Variants in DCC observed in about 807,000 individuals in gnomAD.
DCC encodes netrin receptor DCC.
Under a neutral mutation model 172.5 loss-of-function variants are expected in DCC, and 58 were observed. The ratio of observed to expected loss-of-function variants is 0.34; its 90% confidence interval spans 0.27 to 0.42. The LOEUF (loss-of-function observed/expected upper bound fraction) is 0.42. Ranked by LOEUF, DCC falls within the 10% of genes least tolerant of loss-of-function variation. The pLI is 1.00. For missense variants in DCC, 1,740 were observed against 1,791.0 expected, an observed-to-expected ratio of 0.97 and a Z score of 0.51; for synonymous variants, 709 against 644.5, an observed-to-expected ratio of 1.10 and a Z score of -1.52.
intron 7 of DCC, among the ~76,000 whole-genome samples, chr18:53,115,287 CAAAAT>C (rs1362354322): frequency 2.0e-5 from 3 of 151,388 alleles, no homozygotes; most frequent in African/African-American, 4.8e-5. Context: ...GAAATACACA[CAAAAT>C]AAAAGACATT....
At chr18:53,149,273 TAAC>T (rs958820776) in intron 7 of DCC, among the ~76,000 whole-genome samples, 4 of 152,120 alleles carry the variant, frequency 2.6e-5, no homozygotes, top group African/African-American at 7.2e-5. Context: ...ATAACAATAA[TAAC>T]AGCCGTTTAT....
At chr18:53,433,881 A>G (rs940566203) in intron 21 of DCC, among the ~76,000 whole-genome samples, 2 of 152,104 alleles carry the variant, frequency 1.3e-5, no homozygotes, top group Non-Finnish European at 2.9e-5. Flanking sequence ...CTGAAGATAT[A>G]ATATAAGGTG....
chr18:52,562,811 G>C (rs530361910), intron 1 of DCC, among the ~76,000 whole-genome samples: 37 of 151,630 alleles, frequency 2.4e-4, no homozygotes, highest in African/African-American at 8.5e-4. Context: ...TTTTATTTTT[G>C]TAGGGACAGA....
intron 1 of DCC, among the ~76,000 whole-genome samples, chr18:52,448,691 A>G (rs186984): frequency 0.93 from 141,115 of 152,218 alleles, 65,471 homozygotes; most frequent in Admixed American, 0.96. Context: ...CAGTCTGGTA[A>G]CAGTAGAATT....
intron 2 of DCC, among the ~76,000 whole-genome samples, chr18:52,752,975 T>C (rs994221537): frequency 6.6e-6 from 1 of 150,542 alleles, no homozygotes; most frequent in Non-Finnish European, 1.5e-5. Context: ...TGTGTGTGTA[T>C]GTATATCATA....
intron 1 of DCC, among the ~76,000 whole-genome samples, chr18:52,535,153 T>C (rs560097487): frequency 6.6e-5 from 10 of 152,182 alleles, no homozygotes; most frequent in Non-Finnish European, 1.3e-4. Context: ...TTACAATCAA[T>C]AATCAATCAA....
At chr18:53,086,250 T>TTCCTTTC (rs2042892965) in intron 7 of DCC, among the ~76,000 whole-genome samples, 1 of 50,660 alleles carries the variant, frequency 2.0e-5, no homozygotes, top group African/African-American at 2.4e-4. Flanking sequence ...TTCTTCTTCC[T>TTCCTTTC]TTCTTCTTCT....
intron 5 of DCC, among the ~76,000 whole-genome samples, chr18:53,028,194 G>T (rs2041982341): frequency 6.6e-6 from 1 of 152,074 alleles, no homozygotes; most frequent in Non-Finnish European, 1.5e-5. Flanking sequence ...AATGGTAATT[G>T]GAAGTGCTAT....
rs528784596 is a variant in DCC, at chr18:52,904,562, C to A, written c.413-1482C>A. Among the ~76,000 whole-genome samples, 16 of 152,232 alleles carry A rather than the reference C, an allele frequency of 1.1e-4. No individual in the cohort carries two copies. In the South Asian group the frequency reaches 3.1e-3, roughly 30 times the overall value. On this transcript the variant is annotated intron_variant, in intron 2 of 28. Coordinates refer to ENST00000442544, the MANE Select transcript of DCC (RefSeq NM_005215.4). The stretch of plus-strand genomic sequence containing the variant: ...AATTAGGATCATGAAAATTAATAGA[C>A]CCAAATTAAAACTAAGGGTAATTAA...
At chr18:52,795,911 TAAATA>T (rs1458253872) in intron 2 of DCC, among the ~76,000 whole-genome samples, 2 of 151,180 alleles carry the variant, frequency 1.3e-5, no homozygotes, top group African/African-American at 2.4e-5. Context: ...TTCTTTCTAT[TAAATA>T]TTGTTCAATA....
intron 1 of DCC, among the ~76,000 whole-genome samples, chr18:52,586,831 A>T (rs2033685283): frequency 6.6e-6 from 1 of 152,176 alleles, no homozygotes; most frequent in Non-Finnish European, 1.5e-5. Flanking sequence ...GTGACTTCAA[A>T]AGGCCATTCC....
intron 3 of DCC, among the ~76,000 whole-genome samples, chr18:52,912,841 T>C (rs981346243): frequency 6.6e-6 from 1 of 152,080 alleles, no homozygotes; most frequent in African/African-American, 2.4e-5. Flanking sequence ...TCTGCCTTTA[T>C]AATCCTAGAC....
chr18:53,201,589 GT>G (rs1022979992), intron 9 of DCC, among the ~76,000 whole-genome samples: 2 of 152,040 alleles, frequency 1.3e-5, no homozygotes, highest in African/African-American at 4.8e-5. Flanking sequence ...AATTATTTAT[GT>G]TTTTTTCTTT....
chr18:52,527,603 T>C (rs2032021655), intron 1 of DCC, among the ~76,000 whole-genome samples: 1 of 152,200 alleles, frequency 6.6e-6, no homozygotes, highest in Non-Finnish European at 1.5e-5. Flanking sequence ...TGTAACAATT[T>C]AGGCCATTAG....
At chr18:53,468,263 A>T in intron 25 of DCC, among the ~76,000 whole-genome samples, 1 of 151,622 alleles carries the variant, frequency 6.6e-6, no homozygotes, top group African/African-American at 2.4e-5. Flanking sequence ...TGTTTGTAAA[A>T]TATATGAATT....
At chr18:52,405,760 A>G (rs1986623192) in intron 1 of DCC, among the ~76,000 whole-genome samples, 1 of 151,624 alleles carries the variant, frequency 6.6e-6, no homozygotes, top group South Asian at 2.1e-4. Flanking sequence ...GGTAATTTAC[A>G]GATTCAATGC....
At chr18:52,628,875 G>A (rs956542772) in intron 1 of DCC, among the ~76,000 whole-genome samples, 1 of 152,146 alleles carries the variant, frequency 6.6e-6, no homozygotes, top group Non-Finnish European at 1.5e-5. Flanking sequence ...AACCTAAGTT[G>A]GGCATCTGTG....
chr18:52,882,802 T>A (rs986841822), intron 2 of DCC, among the ~76,000 whole-genome samples: 5 of 152,248 alleles, frequency 3.3e-5, no homozygotes, highest in East Asian at 3.9e-4. Context: ...CTAAATCTGA[T>A]GTTTCTTTGT....
intron 5 of DCC, among the ~76,000 whole-genome samples, chr18:52,950,866 A>AGTGAG (rs2040631431): frequency 1.4e-5 from 2 of 137,986 alleles, no homozygotes; most frequent in South Asian, 5.1e-4. Flanking sequence ...CGGAGCTTGC[A>AGTGAG]GTGAGCCGAG....
Sources: allele counts gnomAD v4.1 joint callset (sites outside exome capture counted in the v4.1 genomes callset), GRCh38; gene constraint gnomAD v4.1.1; transcripts MANE v1.5; gene names NCBI Gene and HGNC (gene_info 2026-07-23, HGNC 2026-07-21).